Variants in ZBTB44 observed in about 807,000 individuals in gnomAD.
ZBTB44 encodes zinc finger and BTB domain-containing protein 44.
A neutral mutation model predicts 54.0 loss-of-function variants in ZBTB44; 15 were observed. The observed-to-expected ratio is 0.28, with a 90% CI of 0.19 to 0.43. ZBTB44 has a LOEUF of 0.43. ZBTB44 is among the 20% of genes least tolerant of loss of function. The pLI is 1.00. For synonymous variants in ZBTB44, 230 were observed against 250.1 expected (o/e 0.92, Z 0.76); for missense variants, 487 against 707.1 (o/e 0.69, Z 3.53).
At chr11:130,235,180 G>GTA (rs1954054758) in intron 5 of ZBTB44, among the ~76,000 whole-genome samples, 1 of 152,072 alleles carries the variant, frequency 6.6e-6, no homozygotes, top group Non-Finnish European at 1.5e-5. Context: ...TCATTGTTCA[G>GTA]TATTAATAAA....
intron 5 of ZBTB44, chr11:130,236,263 T>A (rs1444523159): frequency 7.1e-6 from 9 of 1,272,830 alleles, no homozygotes; most frequent in Admixed American, 2.3e-5. Context: ...ATTACAAGAA[T>A]AGAGCTCTAA....
At chr11:130,309,807 G>A (rs545364859) in intron 1 of ZBTB44, among the ~76,000 whole-genome samples, 4 of 150,314 alleles carry the variant, frequency 2.7e-5, no homozygotes, top group Admixed American at 6.6e-5. Context: ...CAGGAGAATC[G>A]CTTGAACCCA....
At chr11:130,296,759 C>T (rs1453477428) in intron 1 of ZBTB44, 1 of 820,870 alleles carries the variant, frequency 1.2e-6, no homozygotes, top group Non-Finnish European at 2.2e-6. Flanking sequence ...TTGAAAAGAA[C>T]TACTTTCTTT....
In ZBTB44 at chr11:130,261,561, G is replaced by A. The variant is rs1390115558; in HGVS notation, c.313C>T (p.Leu105=). Residue 105 remains leucine (L), a synonymous_variant, in exon 2 of 8, where the codon CTA becomes TTA. Coordinates refer to ENST00000357899, the MANE Select transcript of ZBTB44 (RefSeq NM_001301098.2). The surrounding 1 kb of genome is among the most constrained non-coding windows in gnomAD (Gnocchi z 4.8). ...SINTENIIDV[L]AAASYMQMFS... ...ATTTGCATATAGCTGGCTGCTGCTA[G>A]AACATCAATAATATTTTCTGTGTTA... 1 of 1,614,018 alleles carries A rather than the reference G, an allele frequency of 6.2e-7. No individual in the cohort carries two copies. Among genetic ancestry groups the A allele is most frequent in the Non-Finnish European group, 8.5e-7 (1 of 1,179,894 alleles).
At chr11:130,243,432 G>C (rs540524288) in intron 2 of ZBTB44, among the ~76,000 whole-genome samples, 2 of 152,326 alleles carry the variant, frequency 1.3e-5, no homozygotes, top group Admixed American at 1.3e-4. Flanking sequence ...GAGATTCACT[G>C]TTTGAGATTC....
intron 4 of ZBTB44, among the ~76,000 whole-genome samples, chr11:130,238,152 T>C (rs548437859): frequency 8.4e-4 from 128 of 152,340 alleles, no homozygotes; most frequent in African/African-American, 2.8e-3. Context: ...TTACCATCTG[T>C]GTTTGTGATT....
chr11:130,246,222 T>C (rs1376357759), intron 2 of ZBTB44, among the ~76,000 whole-genome samples: 3 of 152,208 alleles, frequency 2.0e-5, no homozygotes, highest in African/African-American at 7.2e-5. Flanking sequence ...CAAGTAATCA[T>C]ATGAATTGGA....
At chr11:130,292,137 G>T (rs1395131868) in intron 1 of ZBTB44, among the ~76,000 whole-genome samples, 1 of 152,164 alleles carries the variant, frequency 6.6e-6, no homozygotes, top group Non-Finnish European at 1.5e-5. Context: ...TCATTGCATG[G>T]ATGTAACACA....
At chr11:130,269,894 C>T (rs1345080742) in intron 1 of ZBTB44, among the ~76,000 whole-genome samples, 2 of 152,056 alleles carry the variant, frequency 1.3e-5, no homozygotes, top group South Asian at 2.1e-4. Context: ...ATTCAATAAA[C>T]GTTAGCTATT....
intron 7 of ZBTB44, chr11:130,232,414 A>C (rs866052608): frequency 1.3e-5 from 2 of 152,212 alleles, no homozygotes; most frequent in Non-Finnish European, 2.9e-5. Flanking sequence ...CACCAGATGA[A>C]AAGTATACCC....
At chr11:130,265,467 C>T (rs1282042256) in intron 1 of ZBTB44, among the ~76,000 whole-genome samples, 5 of 152,122 alleles carry the variant, frequency 3.3e-5, no homozygotes, top group Admixed American at 1.3e-4. Context: ...TCAAGTGATC[C>T]ACCCGCCTCA....
chr11:130,282,357 A>T (rs955979396), intron 1 of ZBTB44, among the ~76,000 whole-genome samples: 3 of 152,182 alleles, frequency 2.0e-5, no homozygotes, highest in Non-Finnish European at 4.4e-5. Context: ...GTCTCTATGA[A>T]TTTGACTACT....
At chr11:130,300,531 G>GA (rs1388347050) in intron 1 of ZBTB44, among the ~76,000 whole-genome samples, 14 of 151,694 alleles carry the variant, frequency 9.2e-5, no homozygotes, top group Admixed American at 2.6e-4. Flanking sequence ...GACCAATTAA[G>GA]AAAAAAAAGA....
chr11:130,253,716 C>A (rs1392414950), intron 2 of ZBTB44, among the ~76,000 whole-genome samples: 1 of 152,170 alleles, frequency 6.6e-6, no homozygotes, highest in Non-Finnish European at 1.5e-5. Context: ...TTGGAAAAAA[C>A]TACTTTAAAG....
At chr11:130,286,806 C>A (rs1385407481) in intron 1 of ZBTB44, among the ~76,000 whole-genome samples, 3 of 152,146 alleles carry the variant, frequency 2.0e-5, no homozygotes, top group African/African-American at 4.8e-5. Context: ...GGCTGGATGA[C>A]CTTAAACAAG....
intron 1 of ZBTB44, among the ~76,000 whole-genome samples, chr11:130,266,472 G>C (rs1455132458): frequency 6.6e-6 from 1 of 152,158 alleles, no homozygotes; most frequent in Non-Finnish European, 1.5e-5. Flanking sequence ...ATTATTTAAG[G>C]AATACATTTC....
rs558171593 is a variant in ZBTB44, at chr11:130,286,211, T to G, written c.-56-24282A>C. On this transcript the variant is annotated intron_variant, in intron 1 of 7. Transcript: ENST00000357899. ...AAAAAATCACCAATGGGCCAGAATATTAAAAGCTGAGTCCTTAGCTGTAGT... is the reference window on the plus strand; with the variant it reads ...AAAAAATCACCAATGGGCCAGAATAGTAAAAGCTGAGTCCTTAGCTGTAGT... Among the ~76,000 whole-genome samples, 5 of 152,282 alleles carry G rather than the reference T, an allele frequency of 3.3e-5. No homozygotes were observed. The South Asian group carries it at 1.0e-3, about 32-fold the overall frequency.
At chr11:130,247,612 T>G (rs1010990826) in intron 2 of ZBTB44, among the ~76,000 whole-genome samples, 1 of 152,134 alleles carries the variant, frequency 6.6e-6, no homozygotes, top group African/African-American at 2.4e-5. Context: ...TGAACATAGG[T>G]TGGATTAGTT....
In ZBTB44 at chr11:130,281,515, CAAAATAAATAAA is replaced by C. The variant is rs1248880886; in HGVS notation, c.-56-19598_-56-19587del. On this transcript the variant is annotated intron_variant, in intron 1 of 7. Coordinates refer to ENST00000357899, the MANE Select transcript of ZBTB44 (RefSeq NM_001301098.2). ...AGCCTGGGCAACAGAGACCCTGTCT[CAAAATAAATAAA>C]TAAATAAATAAATAAATAAATAAAT... Among the ~76,000 whole-genome samples the C allele has an allele frequency of 5.0e-5, 6 of 119,922 alleles. 1 individual carries two copies. Among genetic ancestry groups the C allele is most frequent in the African/African-American group, 2.1e-4 (6 of 29,178 alleles). The allele number at this position is 119,922 out of a possible 152,430, so 78.7% of individuals were successfully genotyped here.
Sources: gnomAD v4.1 joint callset for allele counts (sites outside exome capture counted in the v4.1 genomes callset) on GRCh38, gnomAD v4.1.1 for gene constraint, Gnocchi (gnomAD v3.1) non-coding constraint, MANE v1.5 for transcripts, NCBI Gene and HGNC (gene_info 2026-07-23, HGNC 2026-07-21) for gene names.